Variants in CRACD observed in about 807,000 individuals in gnomAD.
CRACD encodes the protein capping protein-inhibiting regulator of actin dynamics.
In CRACD, 56 loss-of-function variants were observed where a neutral mutation model predicts 106.8. That is an observed-to-expected ratio of 0.52 (90% confidence interval 0.42 to 0.66). CRACD has a LOEUF of 0.66. CRACD is among the 30% of genes least tolerant of loss of function. The pLI, the probability that CRACD is intolerant of heterozygous loss-of-function variation, is 0.00. For missense variants in CRACD, 1,730 were observed against 1,623.2 expected (o/e 1.07, Z -1.13); for synonymous variants, 754 against 670.8 (o/e 1.12, Z -1.92).
At chr4:56,114,993 TAAGG>T (rs913717578) in intron 1 of CRACD, among the ~76,000 whole-genome samples, 2 of 152,170 alleles carry the variant, frequency 1.3e-5, no homozygotes, top group African/African-American at 2.4e-5. Flanking sequence ...ATATTTATAA[TAAGG>T]AAGAAAGCTG....
At chr4:56,144,651 TTTC>T (rs1206191365) in intron 1 of CRACD, among the ~76,000 whole-genome samples, 11 of 144,622 alleles carry the variant, frequency 7.6e-5, no homozygotes, top group East Asian at 2.1e-4. Flanking sequence ...GTATATTTTC[TTTC>T]TTCTTCTTTT....
intron 4 of CRACD, among the ~76,000 whole-genome samples, chr4:56,298,555 C>T (rs749168412): frequency 4.6e-5 from 7 of 152,208 alleles, no homozygotes; most frequent in Non-Finnish European, 7.3e-5. Flanking sequence ...CCACTGCAGC[C>T]ATCTGCATGA....
At chr4:56,166,253 T>A (rs2109910356) in intron 1 of CRACD, among the ~76,000 whole-genome samples, 1 of 152,354 alleles carries the variant, frequency 6.6e-6, no homozygotes, top group African/African-American at 2.4e-5. Context: ...TATGATTTTA[T>A]CTTTTGGAAG....
intron 2 of CRACD, among the ~76,000 whole-genome samples, chr4:56,181,668 C>T (rs1254898333): frequency 1.3e-5 from 2 of 152,172 alleles, no homozygotes; most frequent in Non-Finnish European, 2.9e-5. Flanking sequence ...GGAAACCTTC[C>T]TTGGCTCTTC....
intron 1 of CRACD, among the ~76,000 whole-genome samples, chr4:56,126,841 G>A (rs1734675206): frequency 2.0e-5 from 3 of 152,152 alleles, no homozygotes; most frequent in Non-Finnish European, 4.4e-5. Context: ...CATGAGAGTT[G>A]GGGTGACTAG....
intron 1 of CRACD, among the ~76,000 whole-genome samples, chr4:56,081,073 G>T (rs568553062): frequency 6.6e-6 from 1 of 152,184 alleles, no homozygotes; most frequent in South Asian, 2.1e-4. Context: ...GCTCAGGCTG[G>T]TCTTGAACTC....
rs192871011 is a variant in CRACD, at chr4:56,112,625, C to T, written c.-336+63326C>T. On this transcript the variant is annotated intron_variant, in intron 1 of 10. Coordinates refer to ENST00000682029, the MANE Select transcript of CRACD (RefSeq NM_001393381.1). Reference sequence around the variant, plus strand: ...CCCCCTGTCTGAGGTCCACTGCCAGCACACCTGGGTTTCTGAAAATTAACT... The same window carrying T: ...CCCCCTGTCTGAGGTCCACTGCCAGTACACCTGGGTTTCTGAAAATTAACT... 4.0e-4 allele frequency among the ~76,000 whole-genome samples: 61 copies of T among 152,282 alleles called. 1 individual carries two copies. The highest frequency in any genetic ancestry group is 7.8e-4 in the Non-Finnish European group (53 of 68,034).
chr4:56,242,133 CAGATTTAGT>C (rs1303297642), intron 2 of CRACD, among the ~76,000 whole-genome samples: 2 of 152,084 alleles, frequency 1.3e-5, no homozygotes, highest in Non-Finnish European at 2.9e-5. Context: ...AAATTCTGTA[CAGATTTAGT>C]TAAGTATTGG....
At chr4:56,099,037 T>A (rs900972354) in intron 1 of CRACD, among the ~76,000 whole-genome samples, 1 of 152,176 alleles carries the variant, frequency 6.6e-6, no homozygotes, top group Non-Finnish European at 1.5e-5. Flanking sequence ...TCCTGTTAAT[T>A]ACATTAGAAA....
intron 2 of CRACD, among the ~76,000 whole-genome samples, chr4:56,253,030 G>A (rs745911918): frequency 6.6e-6 from 1 of 152,150 alleles, no homozygotes; most frequent in African/African-American, 2.4e-5. Flanking sequence ...GGTAGCAGTG[G>A]GATGACAGGG....
At chr4:56,183,706 G>C (rs918635974) in intron 2 of CRACD, among the ~76,000 whole-genome samples, 3 of 152,194 alleles carry the variant, frequency 2.0e-5, no homozygotes, top group African/African-American at 7.2e-5. Context: ...GAAGATTCAC[G>C]AACTAGAGCA....
chr4:56,121,672 G>A (rs539042591), intron 1 of CRACD, among the ~76,000 whole-genome samples: 1 of 152,200 alleles, frequency 6.6e-6, no homozygotes, highest in African/African-American at 2.4e-5. Flanking sequence ...CTGAATAAAT[G>A]CAGGACTATG....
chr4:56,092,794 T>C (rs1330593398), intron 1 of CRACD, among the ~76,000 whole-genome samples: 1 of 151,908 alleles, frequency 6.6e-6, no homozygotes, highest in Non-Finnish European at 1.5e-5. Flanking sequence ...TTATGTAGAG[T>C]CAGAGTCTTG....
intron 2 of CRACD, among the ~76,000 whole-genome samples, chr4:56,264,691 C>T (rs904466062): frequency 6.6e-6 from 1 of 152,118 alleles, no homozygotes; most frequent in Non-Finnish European, 1.5e-5. Flanking sequence ...AAAGTAAAGA[C>T]AAGCATAGGA....
chr4:56,108,275 G>A (rs902665390), intron 1 of CRACD, among the ~76,000 whole-genome samples: 1 of 152,106 alleles, frequency 6.6e-6, no homozygotes, highest in Non-Finnish European at 1.5e-5. Flanking sequence ...GTATAATCCT[G>A]TATCATTAAT....
At chr4:56,281,843 C>T (rs763949326) in intron 3 of CRACD, among the ~76,000 whole-genome samples, 1 of 152,062 alleles carries the variant, frequency 6.6e-6, no homozygotes, top group African/African-American at 2.4e-5. Context: ...GCTTACAGAC[C>T]GGAGTAGATG....
chr4:56,067,806 C>T (rs113514955), intron 1 of CRACD, among the ~76,000 whole-genome samples: 16 of 152,292 alleles, frequency 1.1e-4, no homozygotes, highest in African/African-American at 2.9e-4. Flanking sequence ...GAGCTTCTGA[C>T]CTCAGATGAT....
intron 9 of CRACD, among the ~76,000 whole-genome samples, chr4:56,323,807 G>C (rs1186323512): frequency 6.6e-6 from 1 of 152,226 alleles, no homozygotes; most frequent in Non-Finnish European, 1.5e-5. Context: ...TTACAACAGT[G>C]ATATACAAGT....
intron 1 of CRACD, among the ~76,000 whole-genome samples, chr4:56,057,923 A>G (rs181638301): frequency 0.015 from 1,546 of 104,596 alleles, 158 homozygotes; most frequent in Admixed American, 0.14. Context: ...GGTTCACGCC[A>G]TTCCCCTGCC....
Sources: allele counts gnomAD v4.1 joint callset (sites outside exome capture counted in the v4.1 genomes callset), GRCh38; gene constraint gnomAD v4.1.1; transcripts MANE v1.5; gene names NCBI Gene and HGNC (gene_info 2026-07-23, HGNC 2026-07-21).